The following CCDC171 variants were observed in gnomAD, a reference collection of about 807,000 sequenced individuals.
CCDC171 encodes the protein coiled-coil domain-containing protein 171.
Under a neutral mutation model 168.2 loss-of-function variants are expected in CCDC171, and 177 were observed. The observed-to-expected ratio is 1.05, with a 90% CI of 0.93 to 1.19. CCDC171 has a LOEUF of 1.19. Ranked by LOEUF, CCDC171 falls within the 50% of genes most tolerant of loss-of-function variation. The probability of loss-of-function intolerance (pLI) is 0.00; values close to 1 mark genes in which losing one functional copy is unlikely to be tolerated. For missense variants in CCDC171, 1,991 were observed against 1,539.0 expected (o/e 1.29, Z -4.91); for synonymous variants, 687 against 540.8 (o/e 1.27, Z -3.75).
chr9:16,061,666 C>G (rs546615955), downstream of CCDC171: 1 of 152,316 alleles, frequency 6.6e-6, no homozygotes, highest in East Asian at 1.9e-4. Context: ...TTATTGAACA[C>G]TTACTGTGTG....
At chr9:15,877,449 CCAT>C (rs1202068065) in intron 24 of CCDC171, among the ~76,000 whole-genome samples, 1 of 151,716 alleles carries the variant, frequency 6.6e-6, no homozygotes, top group Non-Finnish European at 1.5e-5. Context: ...CTGTATCTTT[CCAT>C]TTAGTTTCTT....
At chr9:15,975,383 T>A (rs898703486), downstream of CCDC171, among the ~76,000 whole-genome samples, 31 of 152,096 alleles carry the variant, frequency 2.0e-4, no homozygotes, top group East Asian at 7.7e-4. Context: ...AAAAAAAAAT[T>A]TTTTTTAATT....
At chr9:15,604,668 A>C (rs762669631) in intron 6 of CCDC171, among the ~76,000 whole-genome samples, 1 of 152,148 alleles carries the variant, frequency 6.6e-6, no homozygotes, top group East Asian at 1.9e-4. Flanking sequence ...CAGTGAAGAA[A>C]GTTATCAGAC....
rs370167361 is a variant in CCDC171, at chr9:15,723,704, T to C, written c.1449T>C (p.Asp483=). 4.4e-6 allele frequency: 7 copies of C among 1,592,118 alleles called. No homozygotes were observed. Among genetic ancestry groups the C allele is most frequent in the Non-Finnish European group, 3.4e-6 (4 of 1,166,134 alleles). Residue 483 remains aspartate, a synonymous_variant, in exon 13 of 26, where the codon GAT becomes GAC. Coordinates refer to ENST00000380701, the MANE Select transcript of CCDC171 (RefSeq NM_173550.4). ...SNEEKACNEL[D]STKQKIDSHT... ...AGGAAAAGGCATGTAATGAACTTGA[T>C]TCTACGAAACAGAAGATAGACTCTC...
chr9:15,712,298 T>A (rs1329420209), intron 11 of CCDC171, among the ~76,000 whole-genome samples: 1 of 152,186 alleles, frequency 6.6e-6, no homozygotes. Context: ...GATAAAAAAT[T>A]CACCATCACA....
Position 15,632,869 on chromosome 9 carries a change from A to G in CCDC171, c.822+9456A>G, listed in dbSNP as rs145614953. Among the ~76,000 whole-genome samples the G allele has an allele frequency of 5.9e-5, 9 of 152,322 alleles. No homozygotes were observed. In the East Asian group the frequency reaches 1.2e-3, roughly 20 times the overall value. On this transcript the variant is annotated intron_variant, in intron 7 of 25. Coordinates refer to ENST00000380701, the MANE Select transcript of CCDC171 (RefSeq NM_173550.4). ...ACAGAGCACTCTGAAATAATGCCGC[A>G]TATCTATGACTATCTGATCTTTGAC...
chr9:15,982,075 A>G (rs1589294247), intron 3 of CCDC171, among the ~76,000 whole-genome samples: 1 of 152,290 alleles, frequency 6.6e-6, no homozygotes, highest in South Asian at 2.1e-4. Context: ...TTCTTTTGAG[A>G]AGATTCTGGC....
chr9:16,017,571 T>C (rs1459857578), intron 3 of CCDC171, among the ~76,000 whole-genome samples: 1 of 152,206 alleles, frequency 6.6e-6, no homozygotes, highest in Admixed American at 6.5e-5. Flanking sequence ...TTAATTCTTA[T>C]TACCTCATCA....
At chr9:16,103,818 T>C in the CCDC171 span, among the ~76,000 whole-genome samples, 1 of 152,160 alleles carries the variant, frequency 6.6e-6, no homozygotes. Context: ...TTTACGGGCT[T>C]TGACGCATGG....
At chr9:15,814,251 A>G (rs997733223) in intron 21 of CCDC171, among the ~76,000 whole-genome samples, 2 of 152,162 alleles carry the variant, frequency 1.3e-5, no homozygotes, top group African/African-American at 4.8e-5. Context: ...TCCCAAAGTG[A>G]GTTGATTTCT....
chr9:15,721,955 A>G (rs983845453), intron 12 of CCDC171, 80 bp downstream of exon 12: 15 of 584,106 alleles, frequency 2.6e-5, no homozygotes, highest in South Asian at 5.4e-5. Context: ...TACAAAGGTC[A>G]AAAAGATTGG....
chr9:15,740,351 A>T (rs1282816315), intron 16 of CCDC171, among the ~76,000 whole-genome samples: 1 of 150,950 alleles, frequency 6.6e-6, no homozygotes, highest in East Asian at 1.9e-4. Context: ...TTTTGTGCTT[A>T]GATCTGTTTC....
intron 2 of CCDC171, among the ~76,000 whole-genome samples, chr9:15,566,097 A>G (rs577975162): frequency 2.6e-5 from 4 of 152,244 alleles, no homozygotes; most frequent in African/African-American, 9.6e-5. Flanking sequence ...AATTTTCCTA[A>G]TGATTAACGA....
At chr9:15,596,958 G>T (rs911640910) in intron 6 of CCDC171, among the ~76,000 whole-genome samples, 1 of 152,064 alleles carries the variant, frequency 6.6e-6, no homozygotes, top group Non-Finnish European at 1.5e-5. Context: ...TCTGTTATTG[G>T]TGTATAAGAA....
At chr9:15,640,845 C>T (rs2046551435) in intron 7 of CCDC171, among the ~76,000 whole-genome samples, 1 of 151,968 alleles carries the variant, frequency 6.6e-6, no homozygotes, top group Non-Finnish European at 1.5e-5. Context: ...CCCTCTGAGG[C>T]ATCTTTTTTG....
At chr9:15,867,529 A>C (rs2061842016) in intron 23 of CCDC171, among the ~76,000 whole-genome samples, 1 of 152,016 alleles carries the variant, frequency 6.6e-6, no homozygotes, top group South Asian at 2.1e-4. Context: ...TGCAGGACAC[A>C]CAGGTGTTAA....
intron 3 of CCDC171, among the ~76,000 whole-genome samples, chr9:16,014,131 C>A (rs1832950373): frequency 6.6e-6 from 1 of 152,220 alleles, no homozygotes. Context: ...TCAACCCTTG[C>A]CACTGCTTTA....
intron 9 of CCDC171, among the ~76,000 whole-genome samples, chr9:15,670,483 C>G (rs2049034250): frequency 6.6e-6 from 1 of 152,104 alleles, no homozygotes; most frequent in Non-Finnish European, 1.5e-5. Flanking sequence ...CATCTACTTT[C>G]AAATCTTATT....
At position 15,746,146 on chromosome 9, in the gene CCDC171, A is replaced by G. The variant is rs116440759; in HGVS notation, c.2671+515A>G. ...TTATCAGCAATTTACAAAAGTTTAA[A>G]ATGCAAGTTTTTTTTTATGATTCGG... On this transcript the variant is annotated intron_variant, in intron 18 of 25. Transcript: ENST00000380701. 6.2e-3 allele frequency among the ~76,000 whole-genome samples: 939 copies of G among 152,318 alleles called. 11 individuals are homozygous for G. The highest frequency in any genetic ancestry group is 0.022 in the African/African-American group (905 of 41,566).
Sources: gnomAD v4.1 joint callset for allele counts (sites outside exome capture counted in the v4.1 genomes callset) on GRCh38, gnomAD v4.1.1 for gene constraint, MANE v1.5 for transcripts, NCBI Gene and HGNC (gene_info 2026-07-23, HGNC 2026-07-21) for gene names.